Variants in DNM3 observed in about 807,000 individuals in gnomAD.
DNM3 encodes the protein dynamin 3.
A neutral mutation model predicts 101.6 loss-of-function variants in DNM3; 47 were observed. That is an observed-to-expected ratio of 0.46 (90% CI 0.37 to 0.59). DNM3 has a LOEUF of 0.59. Among genes scored for constraint, DNM3 ranks in the 20% least tolerant of loss-of-function variants. The probability of loss-of-function intolerance (pLI) is 0.00; values close to 1 mark genes in which losing one functional copy is unlikely to be tolerated. For missense variants in DNM3, 849 were observed against 1,085.7 expected (o/e 0.78, Z 3.06); for synonymous variants, 385 against 387.9 (o/e 0.99, Z 0.09).
At chr1:172,365,701 A>G (rs193069115) in intron 17 of DNM3, among the ~76,000 whole-genome samples, 2 of 152,084 alleles carry the variant, frequency 1.3e-5, no homozygotes, top group African/African-American at 4.8e-5. Flanking sequence ...ACAATACTTT[A>G]GACAGTTATG....
At chr1:172,015,023 T>TG (rs1316342030) in intron 4 of DNM3, among the ~76,000 whole-genome samples, 1 of 132,664 alleles carries the variant, frequency 7.5e-6, no homozygotes, top group African/African-American at 3.6e-5. Flanking sequence ...TCAGCAAAAT[T>TG]TTTTGAAAAA....
At chr1:172,161,597 C>A (rs1207467293) in intron 14 of DNM3, among the ~76,000 whole-genome samples, 1 of 151,898 alleles carries the variant, frequency 6.6e-6, no homozygotes, top group Non-Finnish European at 1.5e-5. Context: ...AGGGGTACCA[C>A]AAATGAGCAA....
At chr1:172,384,763 A>T (rs1038656312) in intron 18 of DNM3, among the ~76,000 whole-genome samples, 1 of 152,234 alleles carries the variant, frequency 6.6e-6, no homozygotes, top group Admixed American at 6.5e-5. Flanking sequence ...ATTCTAAGTG[A>T]TATTCCAGTA....
intron 13 of DNM3, among the ~76,000 whole-genome samples, chr1:172,098,160 T>C (rs2054377118): frequency 6.6e-6 from 1 of 152,120 alleles, no homozygotes; most frequent in African/African-American, 2.4e-5. Flanking sequence ...AATTTCCTCG[T>C]CCTAATAAGC....
chr1:172,388,595 A>G lies in DNM3; in HGVS notation c.2308A>G (p.Thr770Ala), dbSNP rs1361791249. The G allele has an allele frequency of 6.2e-7, 1 of 1,613,806 alleles. No individual in the cohort carries two copies. Among genetic ancestry groups the G allele is most frequent in the East Asian group, 2.2e-5 (1 of 44,884 alleles). Residue 770 changes from threonine to alanine, a missense_variant, in exon 20 of 21, where the codon ACC (threonine) becomes GCC (alanine). Physicochemically the swap from Thr to Ala is moderately conservative, Grantham distance 58. This residue lies in a region of DNM3 where 256 missense variants were observed against 311.7 expected (regional missense o/e 0.82). Transcript: ENST00000627582. ...CAGGTCACCTCCTCCAAGCCCCACA[A>G]CCCAAAGGAGGCCAACACTAAGTGC... ...SRRSPPPSPT[T>A]QRRPTLSAPL...
chr1:172,059,458 C>G (rs2050962757), intron 10 of DNM3, among the ~76,000 whole-genome samples: 2 of 112,004 alleles, frequency 1.8e-5, no homozygotes, highest in African/African-American at 3.8e-5. Context: ...AAAATACTGG[C>G]AAACTGAATC....
chr1:171,866,944 G>A (rs1419078507), intron 1 of DNM3, among the ~76,000 whole-genome samples: 2 of 152,154 alleles, frequency 1.3e-5, no homozygotes, highest in Non-Finnish European at 2.9e-5. Context: ...ACACTCAGTT[G>A]TACTTTTAGG....
At chr1:172,304,890 G>A (rs541338624) in intron 15 of DNM3, among the ~76,000 whole-genome samples, 1 of 152,170 alleles carries the variant, frequency 6.6e-6, no homozygotes, top group Admixed American at 6.5e-5. Context: ...GCAGTGTGTA[G>A]AGGGAAATTT....
rs558341428 is a variant in DNM3, at chr1:172,040,478, GT to G, written c.993-1520del. Among the ~76,000 whole-genome samples the G allele has an allele frequency of 5.4e-4, 78 of 145,644 alleles. No individual in the cohort carries two copies. The East Asian group carries it at 7.0e-3, about 13-fold the overall frequency. On this transcript the variant is annotated intron_variant, in intron 7 of 20. Transcript: ENST00000627582. ...TGGTAATCACAAATGAAAATAGTTG[GT>G]TTTTTTTTTTCGTGTTTCTTTCTTT...
intron 17 of DNM3, among the ~76,000 whole-genome samples, chr1:172,338,453 C>T (rs12059342): frequency 0.058 from 8,801 of 151,950 alleles, 446 homozygotes; most frequent in African/African-American, 0.14. Flanking sequence ...ATTCAGCTTT[C>T]GAATCACATC....
intron 6 of DNM3, among the ~76,000 whole-genome samples, chr1:172,034,689 A>G (rs971339887): frequency 3.3e-5 from 5 of 152,060 alleles, no homozygotes; most frequent in Admixed American, 3.3e-4. Context: ...AACTAAGATA[A>G]TTCTATGGCT....
chr1:172,326,393 T>C (rs2065938496), intron 17 of DNM3, among the ~76,000 whole-genome samples: 1 of 152,166 alleles, frequency 6.6e-6, no homozygotes, highest in African/African-American at 2.4e-5. Flanking sequence ...ATGTCTTCAT[T>C]AGAAAGACCA....
At chr1:171,882,153 C>T (rs929950801) in intron 1 of DNM3, among the ~76,000 whole-genome samples, 1 of 151,886 alleles carries the variant, frequency 6.6e-6, no homozygotes, top group African/African-American at 2.4e-5. Flanking sequence ...TCGAGACCAG[C>T]CTCAACATGG....
intron 17 of DNM3, among the ~76,000 whole-genome samples, chr1:172,357,985 G>A (rs2067535874): frequency 6.6e-6 from 1 of 151,972 alleles, no homozygotes; most frequent in Non-Finnish European, 1.5e-5. Context: ...GAAGCACAAG[G>A]TTCCTACTGT....
intron 14 of DNM3, among the ~76,000 whole-genome samples, chr1:172,136,351 G>A (rs1487626202): frequency 6.6e-6 from 1 of 152,096 alleles, no homozygotes; most frequent in Non-Finnish European, 1.5e-5. Flanking sequence ...GAAATATTCA[G>A]CTCTCTTTCT....
chr1:172,347,203 G>A (rs957123105), intron 17 of DNM3, among the ~76,000 whole-genome samples: 27 of 107,240 alleles, frequency 2.5e-4, no homozygotes, highest in Non-Finnish European at 3.7e-4. Flanking sequence ...AGCCCCCCCC[G>A]CCAAAAAAAA....
chr1:172,026,073 G>A (rs1394696560), intron 4 of DNM3, among the ~76,000 whole-genome samples: 1 of 152,048 alleles, frequency 6.6e-6, no homozygotes, highest in African/African-American at 2.4e-5. Flanking sequence ...AATTTTAGAG[G>A]AATTGCTAAC....
chr1:171,855,268 C>G (rs1176052927), intron 1 of DNM3, among the ~76,000 whole-genome samples: 1 of 152,156 alleles, frequency 6.6e-6, no homozygotes, highest in African/African-American at 2.4e-5. Flanking sequence ...TTTCTTTATC[C>G]AATCTGTCAC....
chr1:172,333,880 T>C (rs1369890559), intron 17 of DNM3, among the ~76,000 whole-genome samples: 1 of 152,180 alleles, frequency 6.6e-6, no homozygotes, highest in Non-Finnish European at 1.5e-5. Context: ...TTATTGACTA[T>C]GAATTGAAGA....
Sources: allele counts gnomAD v4.1 joint callset (sites outside exome capture counted in the v4.1 genomes callset), GRCh38; gene constraint gnomAD v4.1.1; regional missense constraint gnomAD v4.1.1; transcripts MANE v1.5; gene names NCBI Gene and HGNC (gene_info 2026-07-23, HGNC 2026-07-21).